MCTP2: variants seen among roughly 807,000 people sequenced by gnomAD.
MCTP2 encodes multiple C2 and transmembrane domain containing 2.
A neutral mutation model predicts 111.6 loss-of-function variants in MCTP2; 132 were observed. The ratio of observed to expected loss-of-function variants is 1.18; its 90% CI spans 1.03 to 1.37. The LOEUF (loss-of-function observed/expected upper bound fraction) is 1.37, where lower values mean the gene tolerates loss of function less well. MCTP2 is among the 40% of genes most tolerant of loss of function. MCTP2 has a pLI of 0.00. For missense variants in MCTP2, 1,183 were observed against 1,067.9 expected (o/e 1.11, Z -1.50); for synonymous variants, 395 against 387.7 (o/e 1.02, Z -0.22).
chr15:94,377,038 T>C (rs1233362398), intron 12 of MCTP2, among the ~76,000 whole-genome samples: 1 of 152,186 alleles, frequency 6.6e-6, no homozygotes, highest in Non-Finnish European at 1.5e-5. Flanking sequence ...ATACTGACTT[T>C]TGAGTTGTTT....
chr15:94,276,280 A>G (rs568739489), intron 1 of MCTP2, among the ~76,000 whole-genome samples: 3 of 152,344 alleles, frequency 2.0e-5, no homozygotes, highest in Non-Finnish European at 2.9e-5. Flanking sequence ...ATGAAATTTT[A>G]TGTTGGTATG....
intron 1 of MCTP2, among the ~76,000 whole-genome samples, chr15:94,232,661 G>C (rs1567233184): frequency 6.6e-6 from 1 of 152,216 alleles, no homozygotes; most frequent in South Asian, 2.1e-4. Flanking sequence ...TAATACAAAG[G>C]GGAATCTTAA....
intron 17 of MCTP2, among the ~76,000 whole-genome samples, chr15:94,413,348 C>T (rs1290110950): frequency 6.6e-6 from 1 of 152,088 alleles, no homozygotes; most frequent in Non-Finnish European, 1.5e-5. Flanking sequence ...TATTCTGTAG[C>T]ACATTCTTCC....
At chr15:94,242,913 A>G (rs1411850312) in intron 1 of MCTP2, among the ~76,000 whole-genome samples, 2 of 147,538 alleles carry the variant, frequency 1.4e-5, no homozygotes, top group Non-Finnish European at 3.0e-5. Context: ...ATGTATACAC[A>G]TATACACGTA....
intron 19 of MCTP2, among the ~76,000 whole-genome samples, chr15:94,450,044 GCTGA>G (rs1417796682): frequency 6.6e-5 from 10 of 151,782 alleles, no homozygotes; most frequent in African/African-American, 2.4e-4. Flanking sequence ...TTCCTATTGA[GCTGA>G]CTGTGTATTC....
intron 4 of MCTP2, among the ~76,000 whole-genome samples, chr15:94,329,400 G>T (rs1317367862): frequency 6.6e-6 from 1 of 152,132 alleles, no homozygotes; most frequent in Non-Finnish European, 1.5e-5. Context: ...AATTTATAAA[G>T]ATAAAGAGCC....
At chr15:94,476,818 A>G (rs757566875) in intron 22 of MCTP2, 25 bp downstream of exon 22, 5 of 1,337,382 alleles carry the variant, frequency 3.7e-6, no homozygotes, top group Non-Finnish European at 5.4e-6. Flanking sequence ...GTTACCACCA[A>G]CAGTGGCCCC....
At chr15:94,309,641 T>C (rs1010494350) in intron 2 of MCTP2, among the ~76,000 whole-genome samples, 2 of 152,204 alleles carry the variant, frequency 1.3e-5, no homozygotes, top group Non-Finnish European at 2.9e-5. Context: ...AATCTCAAAG[T>C]CCTTGGTGAC....
At chr15:94,460,154 G>T (rs1488291721) in intron 20 of MCTP2, among the ~76,000 whole-genome samples, 2 of 152,204 alleles carry the variant, frequency 1.3e-5, no homozygotes, top group African/African-American at 4.8e-5. Flanking sequence ...TAGTGGTAGG[G>T]AGAGGTAAGA....
At chr15:94,285,106 A>T (rs1017618960) in intron 1 of MCTP2, among the ~76,000 whole-genome samples, 67 of 152,220 alleles carry the variant, frequency 4.4e-4, no homozygotes, top group African/African-American at 1.6e-3. Flanking sequence ...GCAAAGAGAA[A>T]AGTGGATGAG....
intron 1 of MCTP2, among the ~76,000 whole-genome samples, chr15:94,296,675 C>T (rs576409188): frequency 3.3e-5 from 5 of 152,300 alleles, no homozygotes; most frequent in South Asian, 2.1e-4. Flanking sequence ...TTTGTGTCAT[C>T]GTATCTGTAA....
rs1369585505 is a variant in MCTP2, at chr15:94,249,055, C to T, written c.-66+17391C>T. 2.0e-4 allele frequency among the ~76,000 whole-genome samples: 30 copies of T among 152,116 alleles called. 1 individual carries two copies. The highest frequency in any genetic ancestry group is 2.0e-3 in the Admixed American group (30 of 15,278). ...CAGATAGATGCCTGTACTGATTGTT[C>T]TCTCTCTGGAGCTTCTGTTCTGTGC... On this transcript the variant is annotated intron_variant, in intron 1 of 22. Transcript: ENST00000357742.
chr15:94,295,406 C>A (rs2075227424), intron 1 of MCTP2, among the ~76,000 whole-genome samples: 1 of 152,170 alleles, frequency 6.6e-6, no homozygotes, highest in Non-Finnish European at 1.5e-5. Context: ...TGTTGAAACA[C>A]ATATGGCTCC....
intron 19 of MCTP2, among the ~76,000 whole-genome samples, chr15:94,450,894 A>G (rs902834043): frequency 6.6e-6 from 1 of 152,240 alleles, no homozygotes; most frequent in Admixed American, 6.5e-5. Flanking sequence ...AGAGATTTAA[A>G]GTAACACCCT....
intron 1 of MCTP2, among the ~76,000 whole-genome samples, chr15:94,271,577 T>G (rs1002225534): frequency 5.9e-5 from 9 of 152,308 alleles, no homozygotes; most frequent in Non-Finnish European, 1.2e-4. Context: ...GGGACATGCT[T>G]TGAATGATTA....
At chr15:94,349,820 A>C (rs1057457542) in intron 8 of MCTP2, among the ~76,000 whole-genome samples, 25 of 143,538 alleles carry the variant, frequency 1.7e-4, no homozygotes, top group East Asian at 4.0e-4. Context: ...ACTCTGTCTG[A>C]AAAAAAAAAA....
intron 17 of MCTP2, among the ~76,000 whole-genome samples, chr15:94,414,436 T>C (rs936308950): frequency 6.6e-6 from 1 of 152,216 alleles, no homozygotes; most frequent in Non-Finnish European, 1.5e-5. Flanking sequence ...AGTTCTCTGC[T>C]CTGTTAGCAG....
rs958131168 is a variant in MCTP2, at chr15:94,320,219, T to C, written c.637+4582T>C. 2.3e-4 allele frequency among the ~76,000 whole-genome samples: 35 copies of C among 150,274 alleles called. No homozygotes were observed. In the Admixed American group the frequency reaches 2.3e-3, roughly 10 times the overall value. On this transcript the variant is annotated intron_variant, in intron 4 of 22. Transcript: ENST00000357742. ...GTGCGGTGGCACAGACTCGGCTCACTGCAAGCTCCACCTCCTGGGTTCACG... is the reference window on the plus strand; with the variant it reads ...GTGCGGTGGCACAGACTCGGCTCACCGCAAGCTCCACCTCCTGGGTTCACG...
chr15:94,261,970 T>A (rs369000864), intron 1 of MCTP2, among the ~76,000 whole-genome samples: 1 of 152,240 alleles, frequency 6.6e-6, no homozygotes, highest in East Asian at 1.9e-4. Context: ...ATTAATTTCT[T>A]GTATATTGCA....
Sources: allele counts gnomAD v4.1 joint callset (sites outside exome capture counted in the v4.1 genomes callset), GRCh38; gene constraint gnomAD v4.1.1; transcripts MANE v1.5; gene names NCBI Gene and HGNC (gene_info 2026-07-23, HGNC 2026-07-21).